NEURL1: variants seen among roughly 807,000 people sequenced by gnomAD.
NEURL1 encodes the protein neuralized E3 ubiquitin protein ligase 1.
Under a neutral mutation model 41.2 loss-of-function variants are expected in NEURL1, and 26 were observed. The observed-to-expected ratio is 0.63, with a 90% CI of 0.46 to 0.87. The LOEUF (loss-of-function observed/expected upper bound fraction) is 0.87. Ranked by LOEUF, NEURL1 falls within the 40% of genes least tolerant of loss-of-function variation. The probability of loss-of-function intolerance (pLI) is 0.00; values close to 1 mark genes in which losing one functional copy is unlikely to be tolerated. For synonymous variants in NEURL1, 400 were observed against 402.3 expected (o/e 0.99, Z 0.07); for missense variants, 761 against 871.1 (o/e 0.87, Z 1.59).
chr10:103,503,732 T>G (rs1027697301), intron 1 of NEURL1, among the ~76,000 whole-genome samples: 2 of 150,200 alleles, frequency 1.3e-5, no homozygotes, highest in Non-Finnish European at 3.0e-5. Context: ...AAAATGAATC[T>G]GGAGATCACA....
chr10:103,589,634 C>A lies in NEURL1; in HGVS notation c.1460C>A (p.Ser487Tyr). ...LSDPLLSTCS[S>Y]GPLGSSAGGT... ...GACCCCTTGCTCAGCACGTGCAGCT[C>A]TGGCCCTCTGGGTAGCTCTGCTGGT... The change falls in exon 5 of 6, where the codon TCT becomes TAT. Residue 487 changes from serine to tyrosine, a missense_variant. Transcript: ENST00000369780. 6.2e-7 allele frequency: 1 copy of A among 1,613,154 alleles called. No individual in the cohort carries two copies. The highest frequency in any genetic ancestry group is 8.5e-7 in the Non-Finnish European group (1 of 1,179,498).
At chr10:103,544,130 C>T (rs2034878674) in intron 1 of NEURL1, among the ~76,000 whole-genome samples, 1 of 152,122 alleles carries the variant, frequency 6.6e-6, no homozygotes, top group African/African-American at 2.4e-5. Context: ...CAGGATGATG[C>T]TGGGGGCCTG....
At chr10:103,530,544 A>G (rs919164796) in intron 1 of NEURL1, among the ~76,000 whole-genome samples, 3 of 151,482 alleles carry the variant, frequency 2.0e-5, no homozygotes, top group African/African-American at 7.3e-5. Context: ...ATGATAGTTG[A>G]TATGATTTCA....
At chr10:103,572,704 C>G (rs2133878446) in intron 3 of NEURL1, among the ~76,000 whole-genome samples, 1 of 152,354 alleles carries the variant, frequency 6.6e-6, no homozygotes. Context: ...CCACCTGGCT[C>G]TCCTTGTGCA....
intron 1 of NEURL1, among the ~76,000 whole-genome samples, chr10:103,562,712 T>A (rs956195219): frequency 1.3e-5 from 2 of 152,024 alleles, no homozygotes; most frequent in Admixed American, 1.3e-4. Flanking sequence ...TCCTCAAAGG[T>A]CCATAGTAAG....
intron 1 of NEURL1, among the ~76,000 whole-genome samples, chr10:103,498,371 C>T (rs1054214359): frequency 4.6e-5 from 7 of 152,262 alleles, no homozygotes; most frequent in East Asian, 1.9e-4. Flanking sequence ...GGACTACAGG[C>T]GCCCGCCACC....
At chr10:103,574,539 G>A (rs2035617317) in intron 3 of NEURL1, among the ~76,000 whole-genome samples, 1 of 152,214 alleles carries the variant, frequency 6.6e-6, no homozygotes, top group Non-Finnish European at 1.5e-5. Flanking sequence ...AACATAAAAG[G>A]AGGCAGGAAG....
rs538387737 is a variant in NEURL1, at chr10:103,551,578, A to T, written c.86-19294A>T. Among the ~76,000 whole-genome samples, 5 of 152,318 alleles carry T rather than the reference A, an allele frequency of 3.3e-5. No homozygotes were observed. In the East Asian group the frequency reaches 9.7e-4, roughly 29 times the overall value. ...CTCAGCCTCCCAAAGTGCTGGGATT[A>T]CAGGTGTAAGCCACTGTGCCCGGCC... On this transcript the variant is annotated intron_variant, in intron 1 of 5. Coordinates refer to ENST00000369780, the MANE Select transcript of NEURL1 (RefSeq NM_004210.5).
intron 1 of NEURL1, among the ~76,000 whole-genome samples, chr10:103,523,651 T>C (rs1203731486): frequency 6.6e-6 from 1 of 152,182 alleles, no homozygotes; most frequent in East Asian, 1.9e-4. Context: ...TCTACCTCTA[T>C]GAGAACAACT....
chr10:103,533,627 C>G (rs1455915667), intron 1 of NEURL1, among the ~76,000 whole-genome samples: 1 of 152,098 alleles, frequency 6.6e-6, no homozygotes, highest in Non-Finnish European at 1.5e-5. Flanking sequence ...AGCTCTGCCT[C>G]CTGGGTTCAC....
At chr10:103,575,296 G>A (rs759681398) in intron 3 of NEURL1, among the ~76,000 whole-genome samples, 17 of 151,594 alleles carry the variant, frequency 1.1e-4, no homozygotes, top group Non-Finnish European at 2.2e-4. Context: ...CCTTCTCCCC[G>A]CTGCTGTCTC....
intron 1 of NEURL1, among the ~76,000 whole-genome samples, chr10:103,539,889 GTTC>G (rs2034781296): frequency 6.6e-6 from 1 of 152,190 alleles, no homozygotes; most frequent in Non-Finnish European, 1.5e-5. Flanking sequence ...GGTTTTCTGT[GTTC>G]TTTCTGTTTC....
chr10:103,530,067 G>A (rs2034537144), intron 1 of NEURL1, among the ~76,000 whole-genome samples: 1 of 152,110 alleles, frequency 6.6e-6, no homozygotes, highest in Non-Finnish European at 1.5e-5. Flanking sequence ...CTGATTTTAT[G>A]TATTTGGGTC....
At chr10:103,574,819 T>G (rs1048224339) in intron 3 of NEURL1, among the ~76,000 whole-genome samples, 3 of 152,150 alleles carry the variant, frequency 2.0e-5, no homozygotes, top group Admixed American at 2.0e-4. Context: ...TGTTTTCAGT[T>G]GCATTTGGAG....
chr10:103,578,591 G>A (rs1378829646), intron 3 of NEURL1, among the ~76,000 whole-genome samples: 2 of 152,182 alleles, frequency 1.3e-5, no homozygotes, highest in African/African-American at 4.8e-5. Flanking sequence ...TTTTAAAAAA[G>A]TTTGAGACCC....
intron 1 of NEURL1, among the ~76,000 whole-genome samples, chr10:103,559,797 C>T (rs1161505887): frequency 6.6e-6 from 1 of 152,038 alleles, no homozygotes; most frequent in East Asian, 1.9e-4. Flanking sequence ...TTTGTGGAGG[C>T]TCCTCTAGGT....
intron 1 of NEURL1, among the ~76,000 whole-genome samples, chr10:103,500,437 G>A (rs1592174621): frequency 6.6e-6 from 1 of 152,182 alleles, no homozygotes; most frequent in Non-Finnish European, 1.5e-5. Flanking sequence ...AGGGCTCTCA[G>A]ACTTTAGAGT....
intron 1 of NEURL1, among the ~76,000 whole-genome samples, chr10:103,531,348 T>C (rs1415059535): frequency 6.6e-6 from 1 of 152,224 alleles, no homozygotes; most frequent in African/African-American, 2.4e-5. Flanking sequence ...AAGAGTAAGG[T>C]GTTGAAGTCC....
intron 1 of NEURL1, among the ~76,000 whole-genome samples, chr10:103,499,116 T>C (rs1393551797): frequency 6.6e-6 from 1 of 152,244 alleles, no homozygotes; most frequent in Admixed American, 6.5e-5. Flanking sequence ...ACAAAGTCAC[T>C]GGTTGTGACA....
Sources: gnomAD v4.1 joint callset for allele counts (sites outside exome capture counted in the v4.1 genomes callset) on GRCh38, gnomAD v4.1.1 for gene constraint, MANE v1.5 for transcripts, NCBI Gene and HGNC (gene_info 2026-07-23, HGNC 2026-07-21) for gene names.